LPP: variants seen among roughly 807,000 people sequenced by gnomAD.
LPP encodes the protein lipoma-preferred partner.
A neutral mutation model predicts 60.4 loss-of-function variants in LPP; 38 were observed. That is an observed-to-expected ratio of 0.63 (90% CI 0.49 to 0.83). The LOEUF (loss-of-function observed/expected upper bound fraction) is 0.83, where lower values mean the gene tolerates loss of function less well. LPP is among the 40% of genes least tolerant of loss of function. LPP has a pLI of 0.00. For missense variants in LPP, 902 were observed against 783.6 expected (o/e 1.15, Z -1.80); for synonymous variants, 328 against 290.8 (o/e 1.13, Z -1.30).
intron 6 of LPP, among the ~76,000 whole-genome samples, chr3:188,569,595 C>T (rs1833039551): frequency 6.6e-6 from 1 of 151,886 alleles, no homozygotes; most frequent in African/African-American, 2.4e-5. Flanking sequence ...CAAATCAATT[C>T]ACTTATTTTT....
intron 9 of LPP, among the ~76,000 whole-genome samples, chr3:188,797,448 A>G (rs1198301480): frequency 3.9e-5 from 6 of 152,166 alleles, no homozygotes; most frequent in Non-Finnish European, 8.8e-5. Flanking sequence ...TCAAAATCTC[A>G]TAATCTTCTA....
intron 4 of LPP, among the ~76,000 whole-genome samples, chr3:188,465,077 A>G (rs1030733297): frequency 1.3e-5 from 2 of 152,054 alleles, no homozygotes; most frequent in Non-Finnish European, 2.9e-5. Flanking sequence ...AATTAGGATA[A>G]TAGGATGACA....
intron 7 of LPP, among the ~76,000 whole-genome samples, chr3:188,647,631 C>T (rs1851358634): frequency 6.6e-6 from 1 of 152,088 alleles, no homozygotes; most frequent in African/African-American, 2.4e-5. Context: ...TCACATTAGT[C>T]CTGGCTATTA....
chr3:188,509,828 G>C (rs1337034820), intron 5 of LPP, among the ~76,000 whole-genome samples: 3 of 149,156 alleles, frequency 2.0e-5, no homozygotes, highest in Non-Finnish European at 4.4e-5. Flanking sequence ...AAGTAGCTGG[G>C]ATTACAGTTG....
chr3:188,702,392 T>C (rs1389834628), intron 7 of LPP, among the ~76,000 whole-genome samples: 1 of 151,596 alleles, frequency 6.6e-6, no homozygotes, highest in African/African-American at 2.4e-5. Context: ...AAGATCAAAC[T>C]ACAGGTCATC....
intron 7 of LPP, among the ~76,000 whole-genome samples, chr3:188,647,141 C>G (rs1329718942): frequency 6.6e-6 from 1 of 152,232 alleles, no homozygotes; most frequent in East Asian, 1.9e-4. Flanking sequence ...CTGGATTTCC[C>G]TGTGTAAGCT....
chr3:188,843,383 G>T (rs1340296363), intron 9 of LPP, among the ~76,000 whole-genome samples: 4 of 152,138 alleles, frequency 2.6e-5, no homozygotes, highest in Non-Finnish European at 5.9e-5. Context: ...CGCTGGCTTG[G>T]CAGTGTAACT....
rs187627482 is a variant in LPP at position 188,490,825 on chromosome 3, G to C, written c.306+6121G>C. 2.1e-4 allele frequency among the ~76,000 whole-genome samples: 28 copies of C among 132,116 alleles called. No individual in the cohort carries two copies. In the East Asian group the frequency reaches 6.2e-3, roughly 29 times the overall value. The allele number at this position is 132,116 out of a possible 152,430, so 86.7% of individuals were successfully genotyped here. A position where few individuals can be genotyped will look rare whatever the true frequency, so the allele number is the denominator to read the frequency against. ...GCTGGAGTGCAGTGGTGTGATCTTG[G>C]CTCACTGCAAGCTCTACCTCCTGGG... On this transcript the variant is annotated intron_variant, in intron 5 of 11. Coordinates refer to ENST00000617246, the MANE Select transcript of LPP (RefSeq NM_001375462.1).
intron 3 of LPP, among the ~76,000 whole-genome samples, chr3:188,353,574 C>T (rs1279760674): frequency 6.6e-6 from 1 of 152,126 alleles, no homozygotes; most frequent in Non-Finnish European, 1.5e-5. Flanking sequence ...CTTTTGTCTC[C>T]AAATATTGTA....
chr3:188,459,528 C>T (rs531720700), intron 4 of LPP, among the ~76,000 whole-genome samples: 40 of 152,264 alleles, frequency 2.6e-4, no homozygotes, highest in African/African-American at 9.1e-4. Flanking sequence ...GAAGAATTTA[C>T]GTAGCAGTTC....
At position 188,877,711 on chromosome 3, in the gene LPP, T is replaced by C. The variant is rs1450133930; in HGVS notation, c.*3232T>C. ...AAATAAAATAAAATAAAAACCAAAT[T>C]AGCCAGACATGGTGGCATGCGCTTG... On this transcript the variant is annotated 3_prime_UTR_variant, in exon 12 of 12. Coordinates refer to ENST00000617246, the MANE Select transcript of LPP (RefSeq NM_001375462.1). 1 of 196,458 alleles carries C rather than the reference T, an allele frequency of 5.1e-6. No homozygotes were observed. Among genetic ancestry groups the C allele is most frequent in the Middle Eastern group, 1.7e-3 (1 of 598 alleles). 12.2% of individuals were successfully genotyped at this position (196,458 alleles called of 1,614,324 possible). A position where few individuals can be genotyped will look rare whatever the true frequency, so the allele number is the denominator to read the frequency against.
intron 2 of LPP, among the ~76,000 whole-genome samples, chr3:188,269,331 C>T (rs1056117147): frequency 6.7e-6 from 1 of 149,014 alleles, no homozygotes; most frequent in Non-Finnish European, 1.5e-5. Flanking sequence ...TATTGATTTC[C>T]CCGTCTCAAA....
chr3:188,635,551 C>G (rs887406375), intron 7 of LPP, among the ~76,000 whole-genome samples: 14 of 152,154 alleles, frequency 9.2e-5, no homozygotes, highest in Non-Finnish European at 2.1e-4. Flanking sequence ...ACACACAATG[C>G]TACTGAGCCT....
chr3:188,396,995 T>C (rs552376011), intron 3 of LPP, among the ~76,000 whole-genome samples: 2 of 152,334 alleles, frequency 1.3e-5, no homozygotes, highest in South Asian at 4.1e-4. Context: ...CGTGGAACAA[T>C]TGTTATCAAA....
At chr3:188,280,933 A>AT (rs71298542) in intron 2 of LPP, among the ~76,000 whole-genome samples, 9,069 of 141,312 alleles carry the variant, frequency 0.064, 572 homozygotes, top group African/African-American at 0.17. Flanking sequence ...CGACAAAGGA[A>AT]TTTTTTTTTT....
intron 2 of LPP, among the ~76,000 whole-genome samples, chr3:188,254,813 C>T (rs372475300): frequency 7.2e-5 from 11 of 152,128 alleles, no homozygotes; most frequent in African/African-American, 2.4e-4. Context: ...CGCCCTCCTG[C>T]AGTGTAACAT....
At position 188,889,494 on chromosome 3, in the gene LPP, C is replaced by A. The variant is rs919202128; in HGVS notation, c.*15015C>A. 1.3e-5 allele frequency: 3 copies of A among 230,754 alleles called. No homozygotes were observed. Among genetic ancestry groups the A allele is most frequent in the African/African-American group, 2.2e-5 (1 of 45,214 alleles). 14.3% of individuals were successfully genotyped at this position (230,754 alleles called of 1,614,324 possible). A position where few individuals can be genotyped will look rare whatever the true frequency, so the allele number is the denominator to read the frequency against. On this transcript the variant is annotated 3_prime_UTR_variant, in exon 12 of 12. Transcript: ENST00000617246. ...TCTAAGTCAGTTGGCTCCATATTCA[C>A]TTGAATATGCCTCTGTTTGGGCAAA...
At chr3:188,616,231 A>C (rs2151483946) in intron 7 of LPP, among the ~76,000 whole-genome samples, 1 of 152,272 alleles carries the variant, frequency 6.6e-6, no homozygotes. Context: ...TTTACATTTA[A>C]GTATTTAATC....
chr3:188,524,710 G>T lies in LPP; in HGVS notation c.352G>T (p.Asp118Tyr). Residue 118 changes from aspartate (D) to tyrosine (Y), a missense_variant, in exon 6 of 12, where the codon GAC (aspartate) becomes TAC (tyrosine). Asp to Tyr is a radical substitution (Grantham distance 160). Coordinates refer to ENST00000617246, the MANE Select transcript of LPP (RefSeq NM_001375462.1). ...KTLEERRSSL[D>Y]AEIDSLTSIL... The stretch of plus-strand genomic sequence containing the variant: ...ACTTGAGGAGAGGCGCTCCAGCCTG[G>T]ACGCTGAGATTGACTCCTTGACCAG... The T allele has an allele frequency of 6.2e-7, 1 of 1,614,124 alleles. No individual in the cohort carries two copies. Among genetic ancestry groups the T allele is most frequent in the South Asian group, 1.1e-5 (1 of 91,078 alleles).
Sources: allele counts gnomAD v4.1 joint callset (sites outside exome capture counted in the v4.1 genomes callset), GRCh38; gene constraint gnomAD v4.1.1; transcripts MANE v1.5; gene names NCBI Gene and HGNC (gene_info 2026-07-23, HGNC 2026-07-21).